The following ADAMTS6 variants were observed in gnomAD, a reference collection of about 807,000 sequenced individuals.
ADAMTS6 encodes A disintegrin and metalloproteinase with thrombospondin motifs 6.
In ADAMTS6, 23 loss-of-function variants were observed where a neutral mutation model predicts 144.3. The observed-to-expected ratio is 0.16, with a 90% CI of 0.11 to 0.23. ADAMTS6 has a LOEUF of 0.23. Ranked by LOEUF, ADAMTS6 falls within the 10% of genes least tolerant of loss-of-function variation. The probability of loss-of-function intolerance (pLI) is 1.00; values close to 1 mark genes in which losing one functional copy is unlikely to be tolerated. For missense variants in ADAMTS6, 999 were observed against 1,379.6 expected, an observed-to-expected ratio of 0.72 and a Z score of 4.37; for synonymous variants, 444 against 457.5, an observed-to-expected ratio of 0.97 and a Z score of 0.38.
intron 2 of ADAMTS6, among the ~76,000 whole-genome samples, chr5:65,473,243 T>G (rs1168337629): frequency 2.0e-5 from 3 of 152,146 alleles, no homozygotes; most frequent in South Asian, 4.1e-4. Flanking sequence ...CATAAATGTT[T>G]GGATTCTCTT....
chr5:65,173,017 A>C lies in ADAMTS6; in HGVS notation c.2911-9T>G. 6.2e-7 allele frequency: 1 copy of C among 1,610,240 alleles called. No homozygotes were observed. Among genetic ancestry groups the C allele is most frequent in the Non-Finnish European group, 8.5e-7 (1 of 1,178,662 alleles). On this transcript the variant is annotated splice_polypyrimidine_tract_variant and intron_variant, in intron 22 of 24. Coordinates refer to ENST00000381055, the MANE Select transcript of ADAMTS6 (RefSeq NM_197941.4). ...CCACATTTTGGAGTACACTGGAAAT[A>C]AAACAAATAGTAATGAATCACGACA...
intron 9 of ADAMTS6, among the ~76,000 whole-genome samples, chr5:65,306,624 C>T (rs1449600083): frequency 3.3e-5 from 5 of 152,140 alleles, no homozygotes; most frequent in African/African-American, 4.8e-5. Flanking sequence ...CTAGACAATG[C>T]CAAACAGCTT....
chr5:65,322,561 GTTT>G (rs3049530), intron 9 of ADAMTS6, among the ~76,000 whole-genome samples: 13,935 of 118,470 alleles, frequency 0.12, 1,052 homozygotes, highest in African/African-American at 0.3. Flanking sequence ...GTGGTATGTA[GTTT>G]TTTTTTTTTT....
intron 7 of ADAMTS6, among the ~76,000 whole-genome samples, chr5:65,420,142 C>G (rs1419249903): frequency 6.6e-6 from 1 of 152,102 alleles, no homozygotes; most frequent in Non-Finnish European, 1.5e-5. Flanking sequence ...TGAAAAGCCC[C>G]TTATACGTAA....
chr5:65,452,815 T>G lies in ADAMTS6; in HGVS notation c.735A>C (p.Ser245=), dbSNP rs1366368722. ...TCTCCACAAACCGTTCAATGCTCAC[T>G]GATCTCTTCTGTCTGTGGTGGATAT... ...NTHIHHRQKR[S]VSIERFVETL... The change falls in exon 5 of 25, where the codon TCA becomes TCC. Residue 245 remains serine, a synonymous_variant. Coordinates refer to ENST00000381055, the MANE Select transcript of ADAMTS6 (RefSeq NM_197941.4). 21 of 1,614,034 alleles carry G rather than the reference T, an allele frequency of 1.3e-5. No individual in the cohort carries two copies. The highest frequency in any genetic ancestry group is 1.6e-4 in the Middle Eastern group (1 of 6,084).
At chr5:65,395,301 A>T (rs924848902) in intron 7 of ADAMTS6, among the ~76,000 whole-genome samples, 1 of 146,330 alleles carries the variant, frequency 6.8e-6, no homozygotes, top group Non-Finnish European at 1.5e-5. Context: ...AGACTATCCC[A>T]AGGACTAGTC....
chr5:65,210,159 T>C, intron 20 of ADAMTS6: 1 of 215,118 alleles, frequency 4.6e-6, no homozygotes, highest in Non-Finnish European at 9.8e-6. Context: ...ATGGATAAGA[T>C]CTATGAAGGC....
intron 15 of ADAMTS6, among the ~76,000 whole-genome samples, chr5:65,231,602 T>A (rs1472810437): frequency 6.6e-6 from 1 of 151,788 alleles, no homozygotes; most frequent in Non-Finnish European, 1.5e-5. Flanking sequence ...ACACAGAAAA[T>A]TTTCCAAGAT....
At chr5:65,317,924 A>T (rs892892547) in intron 9 of ADAMTS6, among the ~76,000 whole-genome samples, 5 of 151,922 alleles carry the variant, frequency 3.3e-5, no homozygotes, top group African/African-American at 1.2e-4. Context: ...ATACAAAAAA[A>T]ATTAGCCGGG....
intron 9 of ADAMTS6, among the ~76,000 whole-genome samples, chr5:65,325,038 CAA>C (rs1746028743): frequency 6.6e-6 from 1 of 152,128 alleles, no homozygotes; most frequent in African/African-American, 2.4e-5. Context: ...TACCTAGACA[CAA>C]AAGAGTACCC....
intron 7 of ADAMTS6, among the ~76,000 whole-genome samples, chr5:65,435,203 T>C (rs1757296592): frequency 6.6e-6 from 1 of 152,154 alleles, no homozygotes; most frequent in Non-Finnish European, 1.5e-5. Flanking sequence ...TTCTATGTAT[T>C]GTTATTCCTT....
intron 7 of ADAMTS6, among the ~76,000 whole-genome samples, chr5:65,387,382 T>G (rs1406456679): frequency 6.6e-6 from 1 of 152,234 alleles, no homozygotes; most frequent in African/African-American, 2.4e-5. Flanking sequence ...ATATCACATT[T>G]TTAAAATTTT....
intron 24 of ADAMTS6, among the ~76,000 whole-genome samples, chr5:65,167,756 C>T (rs1428631343): frequency 2.1e-5 from 2 of 94,888 alleles, no homozygotes; most frequent in African/African-American, 8.2e-5. Context: ...TGTAATCCAG[C>T]ATATAAACAG....
At chr5:65,277,826 G>C (rs1275150494) in intron 11 of ADAMTS6, among the ~76,000 whole-genome samples, 1 of 152,104 alleles carries the variant, frequency 6.6e-6, no homozygotes, top group Non-Finnish European at 1.5e-5. Flanking sequence ...CGCTGCCCAA[G>C]ACTTTTTTTT....
chr5:65,452,094 T>G, intron 6 of ADAMTS6, 39 bp downstream of exon 6: 1 of 1,443,288 alleles, frequency 6.9e-7, no homozygotes, highest in South Asian at 1.3e-5. Context: ...TATAGCCTTC[T>G]GTTAACAATC....
At chr5:65,184,752 T>C (rs1754566880) in intron 22 of ADAMTS6, among the ~76,000 whole-genome samples, 1 of 151,726 alleles carries the variant, frequency 6.6e-6, no homozygotes. Context: ...TGTGGCTTCA[T>C]TAGTTCCAGA....
At chr5:65,188,444 A>G (rs2112176887) in intron 21 of ADAMTS6, among the ~76,000 whole-genome samples, 1 of 152,352 alleles carries the variant, frequency 6.6e-6, no homozygotes, top group African/African-American at 2.4e-5. Context: ...CAAGTGCACT[A>G]TGTCTTTAAA....
chr5:65,237,819 G>A (rs895813696), intron 15 of ADAMTS6, among the ~76,000 whole-genome samples: 8 of 152,166 alleles, frequency 5.3e-5, no homozygotes, highest in Non-Finnish European at 1.0e-4. Context: ...GGGCCTGTTG[G>A]CTCACGCCTG....
chr5:65,473,180 G>GTCCAT (rs1490524060), intron 2 of ADAMTS6, among the ~76,000 whole-genome samples: 1 of 152,024 alleles, frequency 6.6e-6, no homozygotes, highest in African/African-American at 2.4e-5. Context: ...TTCACAAAGG[G>GTCCAT]TCCATATTAA....
Sources: gnomAD v4.1 joint callset for allele counts (sites outside exome capture counted in the v4.1 genomes callset) on GRCh38, gnomAD v4.1.1 for gene constraint, MANE v1.5 for transcripts, NCBI Gene and HGNC (gene_info 2026-07-23, HGNC 2026-07-21) for gene names.